The following CSMD3 variants were observed in gnomAD, a reference collection of about 807,000 sequenced individuals.
The protein encoded by CSMD3 is CUB and Sushi multiple domains 3.
A neutral mutation model predicts 435.2 loss-of-function variants in CSMD3; 177 were observed. That is an observed-to-expected ratio of 0.41 (90% CI 0.36 to 0.46). The LOEUF is 0.46. Ranked by LOEUF, CSMD3 falls within the 20% of genes least tolerant of loss-of-function variation. The probability of loss-of-function intolerance (pLI) is 0.34; values close to 1 mark genes in which losing one functional copy is unlikely to be tolerated. For missense variants in CSMD3, 4,265 were observed against 4,504.6 expected, an observed-to-expected ratio of 0.95 and a Z score of 1.52; for synonymous variants, 1,656 against 1,520.5, an observed-to-expected ratio of 1.09 and a Z score of -2.07.
intron 32 of CSMD3, among the ~76,000 whole-genome samples, chr8:112,413,038 C>T (rs2130154084): frequency 6.6e-6 from 1 of 152,226 alleles, no homozygotes; most frequent in African/African-American, 2.4e-5. Flanking sequence ...CTAATGGCAA[C>T]ATTCGTGGAG....
At chr8:113,322,670 T>C (rs1020161886) in intron 1 of CSMD3, among the ~76,000 whole-genome samples, 3 of 152,168 alleles carry the variant, frequency 2.0e-5, no homozygotes, top group Non-Finnish European at 1.5e-5. Context: ...TATAGATAAA[T>C]TGGGGAGAGC....
chr8:112,281,650 A>G (rs1563732800), intron 58 of CSMD3, among the ~76,000 whole-genome samples: 1 of 152,124 alleles, frequency 6.6e-6, no homozygotes. Context: ...GTACCACAAA[A>G]TCTTTTAGAG....
At chr8:112,487,207 G>C (rs1198769828) in intron 31 of CSMD3, among the ~76,000 whole-genome samples, 4 of 152,172 alleles carry the variant, frequency 2.6e-5, no homozygotes, top group South Asian at 2.1e-4. Context: ...AGGATATAGA[G>C]TTGCAATTTT....
At chr8:112,773,470 A>G (rs936846502) in intron 13 of CSMD3, among the ~76,000 whole-genome samples, 11 of 152,068 alleles carry the variant, frequency 7.2e-5, no homozygotes, top group Non-Finnish European at 1.2e-4. Context: ...CCTCCAGGTA[A>G]TAAGTTGAAA....
At chr8:113,190,799 G>C (rs1053731150) in intron 3 of CSMD3, among the ~76,000 whole-genome samples, 16 of 151,388 alleles carry the variant, frequency 1.1e-4, no homozygotes, top group Admixed American at 8.6e-4. Flanking sequence ...TCTTAGCAAA[G>C]GTATTCATTG....
At chr8:113,186,953 C>A (rs1267988245) in intron 3 of CSMD3, among the ~76,000 whole-genome samples, 1 of 151,964 alleles carries the variant, frequency 6.6e-6, no homozygotes, top group Non-Finnish European at 1.5e-5. Flanking sequence ...CTACACCATG[C>A]ATGCTTGGAC....
chr8:112,771,265 T>C (rs931974486), intron 13 of CSMD3, among the ~76,000 whole-genome samples: 1 of 151,732 alleles, frequency 6.6e-6, no homozygotes, highest in Non-Finnish European at 1.5e-5. Context: ...GGGGGCAGAG[T>C]GTGGTGGTTT....
intron 3 of CSMD3, among the ~76,000 whole-genome samples, chr8:113,186,303 TA>T (rs2092500843): frequency 6.6e-6 from 1 of 151,846 alleles, no homozygotes; most frequent in South Asian, 2.1e-4. Context: ...CACAAGTCAG[TA>T]AAAACTCACA....
At chr8:112,774,164 C>G (rs1338879488) in intron 13 of CSMD3, among the ~76,000 whole-genome samples, 1 of 151,994 alleles carries the variant, frequency 6.6e-6, no homozygotes, top group Non-Finnish European at 1.5e-5. Context: ...ACATGCCTAT[C>G]CCTGCTCATG....
intron 22 of CSMD3, among the ~76,000 whole-genome samples, chr8:112,590,147 A>G (rs1027078406): frequency 1.3e-5 from 2 of 152,148 alleles, no homozygotes; most frequent in African/African-American, 2.4e-5. Flanking sequence ...GGTTGATTCC[A>G]TAGATAATTA....
At chr8:112,465,683 GA>G (rs1015067858) in intron 32 of CSMD3, among the ~76,000 whole-genome samples, 1 of 151,996 alleles carries the variant, frequency 6.6e-6, no homozygotes, top group African/African-American at 2.4e-5. Context: ...CCATCAGTTA[GA>G]AAAAAAGAGG....
chr8:112,377,382 A>G (rs1829043547), intron 38 of CSMD3, among the ~76,000 whole-genome samples: 1 of 152,124 alleles, frequency 6.6e-6, no homozygotes, highest in Non-Finnish European at 1.5e-5. Context: ...AAAGAAAGGC[A>G]CAGCACCAGA....
intron 38 of CSMD3, among the ~76,000 whole-genome samples, chr8:112,367,731 T>G (rs1229393853): frequency 6.6e-6 from 1 of 152,128 alleles, no homozygotes; most frequent in African/African-American, 2.4e-5. Context: ...TACTTCACTT[T>G]CCAAAATAAA....
At chr8:112,687,571 G>C (rs1284153796) in intron 14 of CSMD3, among the ~76,000 whole-genome samples, 1 of 151,920 alleles carries the variant, frequency 6.6e-6, no homozygotes, top group Admixed American at 6.6e-5. Flanking sequence ...TAAAACCATA[G>C]GTATAGCTGC....
Position 113,436,848 on chromosome 8 carries a change from C to G in CSMD3, c.7G>C (p.Gly3Arg). The change falls in exon 1 of 71, where the codon GGG becomes CGG. Residue 3 changes from glycine (G) to arginine (R), a missense_variant. Gly to Arg is a moderately radical substitution (Grantham distance 125, BLOSUM62 -2). Coordinates refer to ENST00000297405, the MANE Select transcript of CSMD3 (RefSeq NM_198123.2). ...GCTCGGCTTTCCCCTTTGCGGATCCCTTTCATATTATTCGCGAGCTCCTAA... is the reference window on the plus strand; with the variant it reads ...GCTCGGCTTTCCCCTTTGCGGATCCGTTTCATATTATTCGCGAGCTCCTAA... MK[G>R]IRKGESRAKE... is the part of the protein sequence containing the mutation. 6.2e-7 allele frequency: 1 copy of G among 1,614,048 alleles called. No individual in the cohort carries two copies. The highest frequency in any genetic ancestry group is 8.5e-7 in the Non-Finnish European group (1 of 1,180,050).
intron 10 of CSMD3, among the ~76,000 whole-genome samples, chr8:112,863,012 C>G (rs1377139336): frequency 6.6e-6 from 1 of 151,976 alleles, no homozygotes; most frequent in African/African-American, 2.4e-5. Context: ...ATTGTTGTCT[C>G]TATTTTTTGC....
chr8:113,401,254 T>C (rs2094508749), intron 1 of CSMD3, among the ~76,000 whole-genome samples: 1 of 151,764 alleles, frequency 6.6e-6, no homozygotes, highest in East Asian at 1.9e-4. Context: ...GTATTTCCTT[T>C]ATAATACATG....
intron 1 of CSMD3, among the ~76,000 whole-genome samples, chr8:113,318,280 T>A (rs991039730): frequency 1.1e-4 from 16 of 152,282 alleles, no homozygotes; most frequent in African/African-American, 3.8e-4. Flanking sequence ...AAAGGCAAAT[T>A]TTGTTTTTCA....
chr8:112,755,322 C>T (rs2077667830), intron 13 of CSMD3, among the ~76,000 whole-genome samples: 1 of 131,266 alleles, frequency 7.6e-6, no homozygotes, highest in African/African-American at 2.9e-5. Context: ...CGGAGGGAGA[C>T]TCCGTCTCAA....
Sources: gnomAD v4.1 joint callset for allele counts (sites outside exome capture counted in the v4.1 genomes callset) on GRCh38, gnomAD v4.1.1 for gene constraint, MANE v1.5 for transcripts, NCBI Gene and HGNC (gene_info 2026-07-23, HGNC 2026-07-21) for gene names.